DNAH11: variants seen among roughly 807,000 people sequenced by gnomAD.
DNAH11 encodes the protein axonemal beta dynein heavy chain 11.
A neutral mutation model predicts 526.0 loss-of-function variants in DNAH11; 442 were observed. The ratio of observed to expected loss-of-function variants is 0.84; its 90% confidence interval spans 0.78 to 0.91. The LOEUF is 0.91. Ranked by LOEUF, DNAH11 falls within the 40% of genes least tolerant of loss-of-function variation. The pLI is 0.00. For missense variants in DNAH11, 6,989 were observed against 5,448.7 expected (o/e 1.28, Z -8.90); for synonymous variants, 2,461 against 1,935.9 (o/e 1.27, Z -7.12).
chr7:21,900,970 C>T, intron 81 of DNAH11, 37 bp from the exon 82 acceptor site: 5 of 1,530,600 alleles, frequency 3.3e-6, no homozygotes, highest in Non-Finnish European at 4.4e-6. Flanking sequence ...TAGTAGCAAG[C>T]TGCCACACAA....
At chr7:21,637,231 T>C (rs1418727575) in intron 26 of DNAH11, among the ~76,000 whole-genome samples, 1 of 151,734 alleles carries the variant, frequency 6.6e-6, no homozygotes, top group African/African-American at 2.4e-5. Flanking sequence ...TCTCTCTCCT[T>C]CTCCTCCCCC....
At chr7:21,792,799 A>G (rs1788533731) in intron 61 of DNAH11, among the ~76,000 whole-genome samples, 1 of 151,402 alleles carries the variant, frequency 6.6e-6, no homozygotes, top group South Asian at 2.1e-4. Flanking sequence ...TTTATAGGTT[A>G]GTTGATTTTG....
chr7:21,627,982 C>G (rs905042559), intron 25 of DNAH11, among the ~76,000 whole-genome samples: 1 of 151,652 alleles, frequency 6.6e-6, no homozygotes, highest in Non-Finnish European at 1.5e-5. Context: ...CATATAGAAA[C>G]TTTCACTTTT....
At chr7:21,681,728 G>T in intron 31 of DNAH11, 51 bp downstream of exon 31, 1 of 1,605,786 alleles carries the variant, frequency 6.2e-7, no homozygotes, top group Non-Finnish European at 8.5e-7. Context: ...CCTGAAAGTG[G>T]TGTTTATTGC....
Position 21,707,731 on chromosome 7 carries a change from C to T in DNAH11, c.6579C>T (p.Asn2193=), listed in dbSNP as rs1159524968. ...GAACACTGAACCGAACATATGTTAA[C>T]ATGAAACAGAAGCCGGTTTGGAATG... ...ILRTLNRTYV[N]MKQKPVWNDL... Residue 2193 remains asparagine, a synonymous_variant, in exon 40 of 82, where the codon AAC becomes AAT. Transcript: ENST00000409508. 6.2e-7 allele frequency: 1 copy of T among 1,613,440 alleles called. No individual in the cohort carries two copies. The highest frequency in any genetic ancestry group is 8.5e-7 in the Non-Finnish European group (1 of 1,179,638).
rs1782666899 is a variant in DNAH11, at chr7:21,543,497, G to A, written c.252G>A (p.Glu84=). 1 of 1,607,064 alleles carries A rather than the reference G, an allele frequency of 6.2e-7. No individual in the cohort carries two copies. Among genetic ancestry groups the A allele is most frequent in the Admixed American group, 1.7e-5 (1 of 59,146 alleles). The part of the protein sequence containing the change: ...EEKWSQYLES[E]DNRQVLGEFL... The stretch of plus-strand genomic sequence containing the variant: ...AATGGAGCCAGTATTTGGAAAGCGA[G>A]GACAACCGGCAGGTTCTTGGGGAGT... The change falls in exon 1 of 82, where the codon GAG becomes GAA. Residue 84 remains glutamate (E), a synonymous_variant. Coordinates refer to ENST00000409508, the MANE Select transcript of DNAH11 (RefSeq NM_001277115.2).
intron 42 of DNAH11, among the ~76,000 whole-genome samples, chr7:21,713,710 A>G (rs953371660): frequency 2.0e-5 from 3 of 152,102 alleles, no homozygotes; most frequent in Non-Finnish European, 4.4e-5. Context: ...GTACTTCTCC[A>G]GGCTGCCTTT....
In DNAH11 at chr7:21,581,059, C is replaced by T. The variant is rs1394507626; in HGVS notation, c.1594-846C>T. Among the ~76,000 whole-genome samples the T allele has an allele frequency of 2.0e-5, 3 of 152,294 alleles. No homozygotes were observed. The East Asian group carries it at 5.8e-4, about 29-fold the overall frequency. On this transcript the variant is annotated intron_variant, in intron 8 of 81. Transcript: ENST00000409508. ...GTGAAATATTTAGAACAGAATTACT[C>T]ACGTGCTAACTGTCATTAATTCTAT...
At chr7:21,557,223 A>G (rs1262143943) in intron 2 of DNAH11, among the ~76,000 whole-genome samples, 1 of 151,996 alleles carries the variant, frequency 6.6e-6, no homozygotes, top group South Asian at 2.1e-4. Flanking sequence ...TACTGGCTCT[A>G]TTTCCAGGAT....
At chr7:21,577,191 G>A (rs754964917) in intron 8 of DNAH11, among the ~76,000 whole-genome samples, 45 of 152,310 alleles carry the variant, frequency 3.0e-4, no homozygotes, top group Non-Finnish European at 5.6e-4. Flanking sequence ...TCTCTCCCTA[G>A]CCAAAGGCTC....
At chr7:21,590,192 G>C (rs374833105) in intron 12 of DNAH11, among the ~76,000 whole-genome samples, 1 of 151,988 alleles carries the variant, frequency 6.6e-6, no homozygotes, top group East Asian at 1.9e-4. Flanking sequence ...TATACAATAT[G>C]TGCATATATT....
chr7:21,654,853 A>C (rs957055338), intron 28 of DNAH11, among the ~76,000 whole-genome samples: 1 of 152,134 alleles, frequency 6.6e-6, no homozygotes, highest in Non-Finnish European at 1.5e-5. Flanking sequence ...CCTACACAAC[A>C]CATGTCATTC....
At chr7:21,660,396 A>G (rs901983536) in intron 30 of DNAH11, among the ~76,000 whole-genome samples, 2 of 149,976 alleles carry the variant, frequency 1.3e-5, no homozygotes, top group African/African-American at 4.9e-5. Context: ...TACTTATTTT[A>G]CTCTGTTTTT....
intron 18 of DNAH11, among the ~76,000 whole-genome samples, chr7:21,604,318 G>C (rs1226762039): frequency 6.6e-6 from 1 of 152,060 alleles, no homozygotes; most frequent in Non-Finnish European, 1.5e-5. Context: ...TTCAGCTCTT[G>C]TTACTTCTCA....
At chr7:21,870,284 G>A (rs36058548) in intron 73 of DNAH11, among the ~76,000 whole-genome samples, 46 of 152,024 alleles carry the variant, frequency 3.0e-4, no homozygotes, top group Non-Finnish European at 5.6e-4. Flanking sequence ...ATCCAGGCTC[G>A]GTGCCTTTGG....
chr7:21,789,328 A>G lies in DNAH11; in HGVS notation c.10012A>G (p.Arg3338Gly), dbSNP rs769429079. 15 of 1,568,576 alleles carry G rather than the reference A, an allele frequency of 9.6e-6. 1 individual carries two copies. In the South Asian group the frequency reaches 1.8e-4, roughly 19 times the overall value. The change falls in exon 61 of 82, where the codon AGG (arginine) becomes GGG (glycine). Residue 3338 changes from arginine (R) to glycine (G), a missense_variant. Coordinates refer to ENST00000409508, the MANE Select transcript of DNAH11 (RefSeq NM_001277115.2). ...AGCTACTGAAAAACTAGAGGCTATC[A>G]GGAAAAAGCTTGTGGTGAGTGCAAA... ...AAATEKLEAI[R>G]KKLVDLDRNL...
chr7:21,864,212 G>A (rs977882326), intron 69 of DNAH11, among the ~76,000 whole-genome samples: 1 of 152,140 alleles, frequency 6.6e-6, no homozygotes, highest in African/African-American at 2.4e-5. Flanking sequence ...TTCTCATTTT[G>A]TGTAAGTGTT....
At chr7:21,686,089 TA>T (rs1311670224) in intron 32 of DNAH11, among the ~76,000 whole-genome samples, 5 of 152,238 alleles carry the variant, frequency 3.3e-5, no homozygotes, top group Admixed American at 2.6e-4. Flanking sequence ...AAGATACACT[TA>T]AACATGCAAT....
In DNAH11 at chr7:21,655,991, G is replaced by A; in HGVS notation, c.5094+10G>A. ...TGAATGTGTGGGCCATGTAAGATTTGATTATGAGGTTTTCTATGCTAGGGG... is the reference window on the plus strand; with the variant it reads ...TGAATGTGTGGGCCATGTAAGATTTAATTATGAGGTTTTCTATGCTAGGGG... On this transcript the variant is annotated intron_variant, in intron 29 of 81. Transcript: ENST00000409508. The A allele has an allele frequency of 6.3e-7, 1 of 1,579,596 alleles. No homozygotes were observed. The highest frequency in any genetic ancestry group is 8.6e-7 in the Non-Finnish European group (1 of 1,160,752).
Sources: allele counts gnomAD v4.1 joint callset (sites outside exome capture counted in the v4.1 genomes callset), GRCh38; gene constraint gnomAD v4.1.1; transcripts MANE v1.5; gene names NCBI Gene and HGNC (gene_info 2026-07-23, HGNC 2026-07-21).